The following MINK1 variants were observed in gnomAD, a reference collection of about 807,000 sequenced individuals.
The protein encoded by MINK1 is misshapen like kinase 1.
In MINK1, 46 loss-of-function variants were observed where a neutral mutation model predicts 178.4. The observed-to-expected ratio is 0.26, with a 90% CI of 0.20 to 0.33. MINK1 has a LOEUF of 0.33. Ranked by LOEUF, MINK1 falls within the 10% of genes least tolerant of loss-of-function variation. MINK1 has a pLI of 1.00. For synonymous variants in MINK1, 797 were observed against 709.7 expected (o/e 1.12, Z -1.96); for missense variants, 1,366 against 1,814.9 (o/e 0.75, Z 4.49).
Position 4,894,071 on chromosome 17 carries a change from G to A in MINK1, c.2648G>A (p.Gly883Asp). The A allele has an allele frequency of 6.3e-7, 1 of 1,588,380 alleles. No homozygotes were observed. Among genetic ancestry groups the A allele is most frequent in the South Asian group, 1.1e-5 (1 of 88,844 alleles). The part of the protein sequence containing the change: ...EITGTQPPYG[G>D]GTMVVQRTPE... ...ACCGGGACCCAGCCCCCATACGGGG[G>A]CGGCACCATGGTGGTCCAGCGCGTG... The change falls in exon 22 of 32, where the codon GGC (glycine) becomes GAC (aspartate). Residue 883 changes from glycine to aspartate, a missense_variant. Around this residue, in one of 14 missense-constraint regions of MINK1, gnomAD observed 709 missense variants for 692.3 expected, o/e 1.02. Coordinates refer to ENST00000355280, the MANE Select transcript of MINK1 (RefSeq NM_153827.5). This position sits in a 1 kb window ranked among gnomAD's most constrained non-coding sequence, Gnocchi z 4.1.
intron 4 of MINK1, 40 bp downstream of exon 4, chr17:4,881,297 C>T (rs1429605209): frequency 6.5e-7 from 1 of 1,531,754 alleles, no homozygotes; most frequent in South Asian, 1.2e-5. Flanking sequence ...TCCCCGCAAT[C>T]CCTGTCTCCG....
In MINK1 at chr17:4,894,893, C is replaced by T. The variant is rs1969287620; in HGVS notation, c.2918-182C>T. 4 of 718,750 alleles carry T rather than the reference C, an allele frequency of 5.6e-6. No individual in the cohort carries two copies. Among genetic ancestry groups the T allele is most frequent in the African/African-American group, 3.6e-5 (2 of 56,094 alleles). The allele number at this position is 718,750 out of a possible 1,614,324, so 44.5% of individuals were successfully genotyped here. A position where few individuals can be genotyped will look rare whatever the true frequency, so the allele number is the denominator to read the frequency against. On this transcript the variant is annotated intron_variant, in intron 24 of 31. Coordinates refer to ENST00000355280, the MANE Select transcript of MINK1 (RefSeq NM_153827.5). The surrounding 1 kb of genome is among the most constrained non-coding windows in gnomAD (Gnocchi z 4.1). ...ACAAGTGACAGAAATGGGACTTGAG[C>T]CAGACCTTTTGACTCCAAGTCCAGC...
rs552963148 is a variant in MINK1, at chr17:4,841,531, G to A, written c.57+7891G>A. Among the ~76,000 whole-genome samples the A allele has an allele frequency of 5.7e-5, 8 of 139,804 alleles. No individual in the cohort carries two copies. The East Asian group carries it at 9.8e-4, about 17-fold the overall frequency. The allele number at this position is 139,804 out of a possible 152,430, so 91.7% of individuals were successfully genotyped here. ...TTTTTTCCCACAAAGCCCCCCCTCCGATTTTGCCAGCCTTTACTGATCACA... is the reference window on the plus strand; with the variant it reads ...TTTTTTCCCACAAAGCCCCCCCTCCAATTTTGCCAGCCTTTACTGATCACA... On this transcript the variant is annotated intron_variant, in intron 1 of 31. Transcript: ENST00000355280.
intron 1 of MINK1, among the ~76,000 whole-genome samples, chr17:4,865,451 A>G (rs1006535989): frequency 6.6e-6 from 1 of 151,944 alleles, no homozygotes; most frequent in African/African-American, 2.4e-5. Context: ...AAATAAATAA[A>G]TAAATAAATA....
intron 1 of MINK1, chr17:4,859,164 A>G (rs1485625256): frequency 1.9e-5 from 19 of 985,426 alleles, no homozygotes; most frequent in South Asian, 4.7e-5. Flanking sequence ...CCTTGTCTCC[A>G]CTGGGCTGTT....
chr17:4,897,150 T>G, intron 31 of MINK1, 54 bp from the exon 32 acceptor site: 3 of 1,491,006 alleles, frequency 2.0e-6, no homozygotes, highest in African/African-American at 1.4e-5. Context: ...CTCTCCCAGT[T>G]GAGACACCCC....
Position 4,890,512 on chromosome 17 carries a change from C to T in MINK1, c.1348-5C>T. The stretch of plus-strand genomic sequence containing the variant: ...TGAGCCCTCTCTCCCTACCCTTGGG[C>T]CCAGGAATACAAGCGGAAGCAGCTG... On this transcript the variant is annotated splice_region_variant and splice_polypyrimidine_tract_variant and intron_variant, in intron 13 of 31. Coordinates refer to ENST00000355280, the MANE Select transcript of MINK1 (RefSeq NM_153827.5). 2 of 1,584,066 alleles carry T rather than the reference C, an allele frequency of 1.3e-6. No homozygotes were observed. Among genetic ancestry groups the T allele is most frequent in the East Asian group, 2.3e-5 (1 of 43,072 alleles).
chr17:4,871,575 A>G (rs1915862587), intron 1 of MINK1, among the ~76,000 whole-genome samples: 1 of 152,094 alleles, frequency 6.6e-6, no homozygotes. Context: ...TCTGTTCATC[A>G]GTTGATGGAT....
intron 1 of MINK1, among the ~76,000 whole-genome samples, chr17:4,851,738 C>T (rs572770872): frequency 4.6e-5 from 7 of 152,082 alleles, no homozygotes; most frequent in East Asian, 3.9e-4. Context: ...TGGTGGCTCA[C>T]GCCTGTAATC....
chr17:4,860,231 C>T (rs1386862880), intron 1 of MINK1, among the ~76,000 whole-genome samples: 1 of 152,220 alleles, frequency 6.6e-6, no homozygotes, highest in Non-Finnish European at 1.5e-5. Flanking sequence ...GTGCTTGCCT[C>T]CTTCTGCTCA....
At position 4,896,229 on chromosome 17, in the gene MINK1, G is replaced by T. The variant is rs563737153; in HGVS notation, c.3502G>T (p.Asp1168Tyr). 6.2e-7 allele frequency: 1 copy of T among 1,603,236 alleles called. No individual in the cohort carries two copies. Residue 1168 changes from aspartate to tyrosine, a missense_variant, in exon 29 of 32, where the codon GAC (aspartate) becomes TAC (tyrosine). Around this residue, in one of 14 missense-constraint regions of MINK1, gnomAD observed 201 missense variants for 240.7 expected, o/e 0.84. Transcript: ENST00000355280. This position sits in a 1 kb window ranked among gnomAD's most constrained non-coding sequence, Gnocchi z 4.6. ...CCTCCCCCACCGCCCTCTGCTGGTCGACCTGACAGTAGAGGAGGGGCAGCG... is the reference window on the plus strand; with the variant it reads ...CCTCCCCCACCGCCCTCTGCTGGTCTACCTGACAGTAGAGGAGGGGCAGCG... ...ADLPHRPLLV[D>Y]LTVEEGQRLK...
intron 1 of MINK1, among the ~76,000 whole-genome samples, chr17:4,855,321 C>G (rs1597416541): frequency 6.7e-6 from 1 of 149,640 alleles, no homozygotes; most frequent in African/African-American, 2.5e-5. Context: ...CCCGTCTCTA[C>G]TAAAAATACA....
Position 4,896,423 on chromosome 17 carries a change from CCCCAGA to C in MINK1, c.3616-5_3616del. 1.2e-6 allele frequency: 2 copies of C among 1,613,612 alleles called. No individual in the cohort carries two copies. The highest frequency in any genetic ancestry group is 8.5e-7 in the Non-Finnish European group (1 of 1,179,638). On this transcript the variant is annotated splice_acceptor_variant and splice_polypyrimidine_tract_variant and coding_sequence_variant and intron_variant, in exon 30 of 32. Transcript: ENST00000355280. LOFTEE classifies it high-confidence loss of function. The surrounding 1 kb of genome is among the most constrained non-coding windows in gnomAD (Gnocchi z 4.6). ...CGGAGACTCTAGTCCCCCTCCTTCT[CCCCAGA>C]TCCAGAGCCAGATCACGCCCCATGC...
At chr17:4,854,611 A>G (rs1203406819) in intron 1 of MINK1, among the ~76,000 whole-genome samples, 1 of 152,168 alleles carries the variant, frequency 6.6e-6, no homozygotes, top group Admixed American at 6.6e-5. Context: ...TGGCATAGAG[A>G]TCCATGAGTG....
chr17:4,895,941 CG>C lies in MINK1; in HGVS notation c.3365-58del. 1 of 1,567,620 alleles carries C rather than the reference CG, an allele frequency of 6.4e-7. No homozygotes were observed. Among genetic ancestry groups the C allele is most frequent in the Non-Finnish European group, 8.6e-7 (1 of 1,156,304 alleles). Reference sequence around the variant, plus strand: ...GGTGGGGCAGTGTAGTGACAGACCACGGGGAGGCGCCCGTGGCGCAAGAAGG... The same window carrying C: ...GGTGGGGCAGTGTAGTGACAGACCACGGGAGGCGCCCGTGGCGCAAGAAGG... On this transcript the variant is annotated intron_variant, in intron 27 of 31. Transcript: ENST00000355280. This position sits in a 1 kb window ranked among gnomAD's most constrained non-coding sequence, Gnocchi z 4.3.
Position 4,889,785 on chromosome 17 carries a change from C to T in MINK1, c.1347+22C>T, listed in dbSNP as rs1270851805. On this transcript the variant is annotated intron_variant, in intron 13 of 31. Coordinates refer to ENST00000355280, the MANE Select transcript of MINK1 (RefSeq NM_153827.5). ...GCAGGTAGAGCGCCGCACCCGCATC[C>T]CTGCCCTCCCGCCCTCCCGCTCCTG... The T allele has an allele frequency of 3.3e-6, 5 of 1,494,508 alleles. No homozygotes were observed. The South Asian group carries it at 3.9e-5, about 12-fold the overall frequency. The allele number at this position is 1,494,508 out of a possible 1,614,324, so 92.6% of individuals were successfully genotyped here. A position where few individuals can be genotyped will look rare whatever the true frequency, so the allele number is the denominator to read the frequency against.
intron 1 of MINK1, among the ~76,000 whole-genome samples, chr17:4,870,658 CTA>C (rs1915750724): frequency 6.6e-6 from 1 of 151,744 alleles, no homozygotes; most frequent in Non-Finnish European, 1.5e-5. Flanking sequence ...AACCCCATCT[CTA>C]CAAAAAATAT....
chr17:4,869,660 CT>C (rs1239194167), intron 1 of MINK1, among the ~76,000 whole-genome samples: 2 of 151,812 alleles, frequency 1.3e-5, no homozygotes, highest in Non-Finnish European at 2.9e-5. Context: ...GAGGAACCTG[CT>C]TACTGTTGTC....
At chr17:4,891,833 C>T in intron 16 of MINK1, 117 bp downstream of exon 16, 10 of 1,384,152 alleles carry the variant, frequency 7.2e-6, no homozygotes, top group Non-Finnish European at 9.6e-6. Context: ...GAGAGAAAGC[C>T]AGGGCGCTGC....
Sources: gnomAD v4.1 joint callset for allele counts (sites outside exome capture counted in the v4.1 genomes callset) on GRCh38, gnomAD v4.1.1 for gene constraint, gnomAD v4.1.1 regional missense constraint, Gnocchi (gnomAD v3.1) non-coding constraint, MANE v1.5 for transcripts, NCBI Gene and HGNC (gene_info 2026-07-23, HGNC 2026-07-21) for gene names.